The following CD53 variants were observed in gnomAD, a reference collection of about 807,000 sequenced individuals.
CD53 encodes the protein CD53 molecule.
CD53 carries 20 observed loss-of-function variants against 27.3 expected under a neutral mutation model. The ratio of observed to expected loss-of-function variants is 0.73; its 90% CI spans 0.52 to 1.07. The LOEUF (loss-of-function observed/expected upper bound fraction) is 1.07, where lower values mean the gene tolerates loss of function less well. Ranked by LOEUF, CD53 falls within the 50% of genes least tolerant of loss-of-function variation. The pLI, the probability that CD53 is intolerant of heterozygous loss-of-function variation, is 0.00. For missense variants in CD53, 216 were observed against 264.0 expected, an observed-to-expected ratio of 0.82 and a Z score of 1.26; for synonymous variants, 106 against 105.3, an observed-to-expected ratio of 1.01 and a Z score of -0.04.
rs1036091636 is a variant in CD53, at chr1:110,895,190, C to T, written c.423+135C>T. The T allele has an allele frequency of 6.1e-6, 4 of 661,042 alleles. No homozygotes were observed. The African/African-American group carries it at 7.2e-5, about 12-fold the overall frequency. 40.9% of individuals were successfully genotyped at this position (661,042 alleles called of 1,614,324 possible). A position where few individuals can be genotyped will look rare whatever the true frequency, so the allele number is the denominator to read the frequency against. The stretch of plus-strand genomic sequence containing the variant: ...CCTGAATCCCAGAATAATGCCTTGG[C>T]TATCACAAACATGGGAGCCCAGTAA... On this transcript the variant is annotated intron_variant, in intron 5 of 7. Coordinates refer to ENST00000271324, the MANE Select transcript of CD53 (RefSeq NM_000560.4).
intron 1 of CD53, among the ~76,000 whole-genome samples, chr1:110,874,183 A>T (rs1434019557): frequency 6.6e-6 from 1 of 152,172 alleles, no homozygotes; most frequent in Non-Finnish European, 1.5e-5. Flanking sequence ...ACACCCACCC[A>T]TCTAAGTATG....
chr1:110,890,595 GA>G lies in CD53; in HGVS notation c.-17-796del, dbSNP rs1557818639. Among the ~76,000 whole-genome samples, 104 of 151,854 alleles carry G rather than the reference GA, an allele frequency of 6.8e-4. 1 individual carries two copies. Among genetic ancestry groups the G allele is most frequent in the African/African-American group, 2.5e-3 (102 of 41,442 alleles). ...AAAGAAAGAAAGAGAGAAAGAGAAAGAGAAAGGAAAGGAAAGCGAAAAGGAA... is the reference window on the plus strand; with the variant it reads ...AAAGAAAGAAAGAGAGAAAGAGAAAGGAAAGGAAAGGAAAGCGAAAAGGAA... On this transcript the variant is annotated intron_variant, in intron 1 of 7. Transcript: ENST00000271324.
rs998565985 is a variant in CD53, at chr1:110,897,533, G to A, written c.505-276G>A. The A allele has an allele frequency of 8.9e-5, 26 of 290,668 alleles. No homozygotes were observed. In the South Asian group the frequency reaches 1.7e-3, roughly 19 times the overall value. The allele number at this position is 290,668 out of a possible 1,614,324, so 18.0% of individuals were successfully genotyped here. On this transcript the variant is annotated intron_variant, in intron 6 of 7. Coordinates refer to ENST00000271324, the MANE Select transcript of CD53 (RefSeq NM_000560.4). ...CAAAGACAGTAGGACGTCGGTTGCT[G>A]ACCTGCCTCTTAGAAGCTAGTTTAA... is the stretch of plus-strand genomic sequence containing the variant.
In CD53 at chr1:110,894,350, C is replaced by A; in HGVS notation, c.276C>A (p.Ile92=). Residue 92 remains isoleucine, a synonymous_variant, in exon 4 of 8, where the codon ATC becomes ATA. Transcript: ENST00000271324. Reference sequence around the variant, plus strand: ...AGTTCTTCATCCTGCTGCTGATTATCCTCCTTGCTGAGGTGACCTTGGCCA... The same window carrying A: ...AGTTCTTCATCCTGCTGCTGATTATACTCCTTGCTGAGGTGACCTTGGCCA... The part of the protein sequence containing the change: ...LMSFFILLLI[I]LLAEVTLAIL... 1 of 1,614,034 alleles carries A rather than the reference C, an allele frequency of 6.2e-7. No homozygotes were observed.
rs1173711185 is a variant in CD53, at chr1:110,894,349, T to G, written c.275T>G (p.Ile92Ser). Reference protein sequence around the residue: ...LMSFFILLLIILLAEVTLAIL... With the variant: ...LMSFFILLLISLLAEVTLAIL... ...CAGTTCTTCATCCTGCTGCTGATTA[T>G]CCTCCTTGCTGAGGTGACCTTGGCC... Residue 92 changes from isoleucine to serine, a missense_variant, in exon 4 of 8, where the codon ATC (isoleucine) becomes AGC (serine). Transcript: ENST00000271324. 1 of 1,614,078 alleles carries G rather than the reference T, an allele frequency of 6.2e-7. No homozygotes were observed. The highest frequency in any genetic ancestry group is 8.5e-7 in the Non-Finnish European group (1 of 1,179,942).
intron 1 of CD53, among the ~76,000 whole-genome samples, chr1:110,877,078 T>C (rs750155451): frequency 1.3e-5 from 2 of 152,202 alleles, no homozygotes; most frequent in African/African-American, 2.4e-5. Context: ...ACCAATTACC[T>C]CTTTAATATT....
chr1:110,874,754 C>T (rs1267133299), intron 1 of CD53, among the ~76,000 whole-genome samples: 1 of 152,184 alleles, frequency 6.6e-6, no homozygotes. Context: ...TTACCACCAC[C>T]TAAGTGACCT....
chr1:110,891,435 G>T lies in CD53; in HGVS notation c.27G>T (p.Leu9=), dbSNP rs1459898269. ...TGGGCATGAGTAGCTTGAAACTGCT[G>T]AAGTATGTCCTGTTTTTCTTCAACT... MGMSSLKL[L]KYVLFFFNLL... Residue 9 remains leucine, a synonymous_variant, in exon 2 of 8, where the codon CTG becomes CTT. Transcript: ENST00000271324. The T allele has an allele frequency of 1.2e-6, 2 of 1,613,832 alleles. No homozygotes were observed. Among genetic ancestry groups the T allele is most frequent in the East Asian group, 4.5e-5 (2 of 44,896 alleles).
intron 7 of CD53, among the ~76,000 whole-genome samples, chr1:110,898,332 G>C (rs553386827): frequency 2.7e-5 from 4 of 149,370 alleles, no homozygotes; most frequent in African/African-American, 9.9e-5. Context: ...AGTCAAGATC[G>C]TGCCACTGCA....
At chr1:110,888,507 G>A (rs1656718171) in intron 1 of CD53, among the ~76,000 whole-genome samples, 1 of 152,136 alleles carries the variant, frequency 6.6e-6, no homozygotes, top group East Asian at 1.9e-4. Flanking sequence ...CACATTCAGT[G>A]TTTTGCAGAC....
chr1:110,876,034 G>C (rs1343360434), intron 1 of CD53, among the ~76,000 whole-genome samples: 2 of 152,140 alleles, frequency 1.3e-5, no homozygotes, highest in Non-Finnish European at 2.9e-5. Context: ...TATGACACAA[G>C]CATACATTTT....
chr1:110,886,190 G>T (rs549983098), intron 1 of CD53, among the ~76,000 whole-genome samples: 17 of 151,978 alleles, frequency 1.1e-4, no homozygotes, highest in Non-Finnish European at 2.1e-4. Flanking sequence ...CTTTCTTCCA[G>T]CTTGCCTGTT....
chr1:110,873,402 T>G (rs1422988156), intron 1 of CD53, among the ~76,000 whole-genome samples, 154 bp downstream of exon 1: 1 of 152,196 alleles, frequency 6.6e-6, no homozygotes, highest in Non-Finnish European at 1.5e-5. Flanking sequence ...ATTAGCAAGA[T>G]CCTAGTAACA....
intron 1 of CD53, among the ~76,000 whole-genome samples, chr1:110,875,484 T>A: frequency 6.6e-6 from 1 of 152,226 alleles, no homozygotes; most frequent in Non-Finnish European, 1.5e-5. Flanking sequence ...CTTGTGAGGT[T>A]ACAGCCATTG....
rs2101067360 is a variant in CD53 at position 110,896,640 on chromosome 1, G to A, written c.424-13G>A. On this transcript the variant is annotated splice_polypyrimidine_tract_variant and intron_variant, in intron 5 of 7. Coordinates refer to ENST00000271324, the MANE Select transcript of CD53 (RefSeq NM_000560.4). ...CTTTCTAACCATCATCATTTTGGGGGTTTGGCTTTTAGCTGCAGTGTTGTG... is the reference window on the plus strand; with the variant it reads ...CTTTCTAACCATCATCATTTTGGGGATTTGGCTTTTAGCTGCAGTGTTGTG... 6.2e-7 allele frequency: 1 copy of A among 1,610,776 alleles called. No homozygotes were observed. Among genetic ancestry groups the A allele is most frequent in the East Asian group, 2.2e-5 (1 of 44,768 alleles).
intron 3 of CD53, 45 bp downstream of exon 3, chr1:110,892,578 T>G: frequency 6.8e-7 from 1 of 1,468,760 alleles, no homozygotes; most frequent in Non-Finnish European, 9.4e-7. Context: ...GGGGAGATGG[T>G]GCCTAAATCC....
intron 1 of CD53, among the ~76,000 whole-genome samples, chr1:110,890,859 A>G (rs1656822567): frequency 6.6e-6 from 1 of 152,260 alleles, no homozygotes. Flanking sequence ...AACAGAAAAC[A>G]TAAATGTTTC....
Position 110,890,320 on chromosome 1 carries a change from A to C in CD53, c.-17-1072A>C, listed in dbSNP as rs1033129762. Among the ~76,000 whole-genome samples the C allele has an allele frequency of 2.6e-5, 4 of 152,184 alleles. No individual in the cohort carries two copies. In the East Asian group the frequency reaches 7.7e-4, roughly 29 times the overall value. On this transcript the variant is annotated intron_variant, in intron 1 of 7. Coordinates refer to ENST00000271324, the MANE Select transcript of CD53 (RefSeq NM_000560.4). ...GGTAGCTCATGCCTGTAATCCCAGC[A>C]CTTTGGGAGGCCGAGGCAGGCGGAT...
At chr1:110,874,237 T>G (rs1332567116) in intron 1 of CD53, among the ~76,000 whole-genome samples, 1 of 152,010 alleles carries the variant, frequency 6.6e-6, no homozygotes, top group Non-Finnish European at 1.5e-5. Flanking sequence ...CCAAGAGGGG[T>G]GGGGACGGGG....
Sources: gnomAD v4.1 joint callset for allele counts (sites outside exome capture counted in the v4.1 genomes callset) on GRCh38, gnomAD v4.1.1 for gene constraint, MANE v1.5 for transcripts, NCBI Gene and HGNC (gene_info 2026-07-23, HGNC 2026-07-21) for gene names.